COLEC11: variants seen among roughly 807,000 people sequenced by gnomAD.
COLEC11 encodes the protein collectin subfamily member 11, also known as collectin-11.
A neutral mutation model predicts 27.3 loss-of-function variants in COLEC11; 20 were observed. The observed-to-expected ratio is 0.73, with a 90% CI of 0.51 to 1.06. The LOEUF (loss-of-function observed/expected upper bound fraction) is 1.06, where lower values mean the gene tolerates loss of function less well. Among genes scored for constraint, COLEC11 ranks in the 50% least tolerant of loss-of-function variants. The pLI, the probability that COLEC11 is intolerant of heterozygous loss-of-function variation, is 0.00. For missense variants in COLEC11, 310 were observed against 383.0 expected (o/e 0.81, Z 1.59); for synonymous variants, 163 against 154.7 (o/e 1.05, Z -0.40).
chr2:3,615,453 G>A (rs1331870047), intron 3 of COLEC11, among the ~76,000 whole-genome samples: 3 of 152,198 alleles, frequency 2.0e-5, no homozygotes, highest in Non-Finnish European at 4.4e-5. Context: ...CAGGGGGTTG[G>A]GGGTAAGGTC....
chr2:3,616,003 G>C (rs575790888), intron 3 of COLEC11, among the ~76,000 whole-genome samples: 1 of 151,210 alleles, frequency 6.6e-6, no homozygotes, highest in Non-Finnish European at 1.5e-5. Flanking sequence ...CTTCTCAGAC[G>C]GGGCGGCTGC....
At chr2:3,643,701 C>T in intron 6 of COLEC11, 26 bp from the exon 7 acceptor site, 1 of 1,613,434 alleles carries the variant, frequency 6.2e-7, no homozygotes, top group Non-Finnish European at 8.5e-7. Flanking sequence ...CAAGTGCTCA[C>T]TTTTCAACCC....
At chr2:3,627,518 G>A (rs1284696700) in intron 3 of COLEC11, among the ~76,000 whole-genome samples, 4 of 151,006 alleles carry the variant, frequency 2.6e-5, no homozygotes, top group South Asian at 2.2e-4. Flanking sequence ...GCATAATAAC[G>A]GTAGATCGGG....
intron 3 of COLEC11, among the ~76,000 whole-genome samples, chr2:3,624,011 C>T (rs1002766715): frequency 1.3e-5 from 2 of 152,196 alleles, no homozygotes; most frequent in African/African-American, 4.8e-5. Context: ...GAGGCTCTCT[C>T]AGACCATTTC....
chr2:3,597,627 C>T (rs1661942538), intron 1 of COLEC11, among the ~76,000 whole-genome samples: 1 of 151,904 alleles, frequency 6.6e-6, no homozygotes, highest in Non-Finnish European at 1.5e-5. Flanking sequence ...AGAATCACTT[C>T]TAGCTAGAGG....
intron 3 of COLEC11, among the ~76,000 whole-genome samples, chr2:3,616,507 G>A (rs1367779671): frequency 6.6e-6 from 1 of 152,240 alleles, no homozygotes; most frequent in Non-Finnish European, 1.5e-5. Flanking sequence ...CTGCAATCCG[G>A]GCACCTCGGG....
intron 3 of COLEC11, among the ~76,000 whole-genome samples, chr2:3,633,253 T>C (rs2147942653): frequency 6.6e-6 from 1 of 152,284 alleles, no homozygotes; most frequent in Middle Eastern, 3.4e-3. Flanking sequence ...ACAGATGCAC[T>C]TGGGGAGGCT....
intron 2 of COLEC11, among the ~76,000 whole-genome samples, chr2:3,608,657 T>C (rs1167474899): frequency 1.3e-5 from 2 of 152,122 alleles, no homozygotes; most frequent in African/African-American, 4.8e-5. Flanking sequence ...ACCCCATCTC[T>C]GGAAAACAAA....
chr2:3,621,417 C>A (rs1664179914), intron 3 of COLEC11, among the ~76,000 whole-genome samples: 1 of 152,154 alleles, frequency 6.6e-6, no homozygotes, highest in African/African-American at 2.4e-5. Context: ...TATGTGTGAT[C>A]TTAAAGCTGA....
chr2:3,635,190 C>T (rs1056053326), intron 3 of COLEC11, among the ~76,000 whole-genome samples: 53 of 144,860 alleles, frequency 3.7e-4, no homozygotes, highest in African/African-American at 1.3e-3. Flanking sequence ...TGTCTCCCTG[C>T]GCCTACCTTG....
In COLEC11 at chr2:3,643,711, C is replaced by A; in HGVS notation, c.425-16C>A. On this transcript the variant is annotated splice_polypyrimidine_tract_variant and intron_variant, in intron 6 of 6. Coordinates refer to ENST00000349077, the MANE Select transcript of COLEC11 (RefSeq NM_024027.5). ...ACATACAAGTGCTCACTTTTCAACCCTGCCTTACCCCACAGCTGTCGCCGG... is the reference window on the plus strand; with the variant it reads ...ACATACAAGTGCTCACTTTTCAACCATGCCTTACCCCACAGCTGTCGCCGG... 1 of 1,613,530 alleles carries A rather than the reference C, an allele frequency of 6.2e-7. No individual in the cohort carries two copies. The highest frequency in any genetic ancestry group is 8.5e-7 in the Non-Finnish European group (1 of 1,179,930).
chr2:3,613,976 C>CTTTTTTTTTTTTTTTTTT lies in COLEC11; in HGVS notation c.202+597_202+598insTTTTTTTTTTTTTTTTTT. Reference sequence around the variant, plus strand: ...AAGTGTTTTTTCTTTTTCTTTCTTTCTTTCTTTTTTTTTTTTTTGAGACTG... The same window carrying CTTTTTTTTTTTTTTTTTT: ...AAGTGTTTTTTCTTTTTCTTTCTTTCTTTTTTTTTTTTTTTTTTTTTCTTTTTTTTTTTTTTGAGACTG... On this transcript the variant is annotated intron_variant, in intron 3 of 6. Coordinates refer to ENST00000349077, the MANE Select transcript of COLEC11 (RefSeq NM_024027.5). Among the ~76,000 whole-genome samples the CTTTTTTTTTTTTTTTTTT allele has an allele frequency of 4.1e-4, 37 of 91,310 alleles. 2 individuals carry two copies. Among genetic ancestry groups the CTTTTTTTTTTTTTTTTTT allele is most frequent in the African/African-American group, 1.2e-3 (36 of 28,910 alleles). The allele number at this position is 91,310 out of a possible 152,430, so 59.9% of individuals were successfully genotyped here. A position where few individuals can be genotyped will look rare whatever the true frequency, so the allele number is the denominator to read the frequency against.
At chr2:3,626,652 C>G (rs1404963464) in intron 3 of COLEC11, among the ~76,000 whole-genome samples, 1 of 152,236 alleles carries the variant, frequency 6.6e-6, no homozygotes, top group African/African-American at 2.4e-5. Flanking sequence ...AACTGACATT[C>G]TTTCTGATAA....
intron 2 of COLEC11, among the ~76,000 whole-genome samples, chr2:3,612,254 G>GCATGCACACATGCACACA (rs1663262620): frequency 1.3e-5 from 2 of 150,992 alleles, no homozygotes; most frequent in Admixed American, 6.6e-5. Context: ...CCACGCACAC[G>GCATGCACACATGCACACA]CATGCACACA....
intron 3 of COLEC11, chr2:3,625,995 T>G: frequency 6.2e-7 from 1 of 1,603,078 alleles, no homozygotes; most frequent in Admixed American, 1.7e-5. Flanking sequence ...AGTCATAACA[T>G]TGTATTTACT....
At chr2:3,606,138 A>G in intron 2 of COLEC11, 1 of 1,550,540 alleles carries the variant, frequency 6.4e-7, no homozygotes, top group East Asian at 2.4e-5. Flanking sequence ...TTAGGTTGGA[A>G]ACGGTGGCTG....
intron 3 of COLEC11, among the ~76,000 whole-genome samples, chr2:3,615,681 G>A (rs1057409764): frequency 1.7e-4 from 26 of 152,356 alleles, no homozygotes; most frequent in African/African-American, 6.0e-4. Context: ...TGGCGGCCGG[G>A]CAGAGGGGCT....
intron 1 of COLEC11, among the ~76,000 whole-genome samples, chr2:3,600,234 CAAAA>C (rs35252259): frequency 2.5e-5 from 2 of 80,666 alleles, no homozygotes; most frequent in Non-Finnish European, 2.4e-5. Flanking sequence ...GACTCTGTCT[CAAAA>C]AAAAAAAAAA....
intron 1 of COLEC11, among the ~76,000 whole-genome samples, chr2:3,598,906 A>G (rs1000006306): frequency 2.6e-5 from 4 of 152,186 alleles, no homozygotes; most frequent in South Asian, 2.1e-4. Flanking sequence ...ATTAAATCAG[A>G]TATGTGTCCA....
Sources: gnomAD v4.1 joint callset for allele counts (sites outside exome capture counted in the v4.1 genomes callset) on GRCh38, gnomAD v4.1.1 for gene constraint, MANE v1.5 for transcripts, NCBI Gene and HGNC (gene_info 2026-07-23, HGNC 2026-07-21) for gene names.